THBS4: variants seen among roughly 807,000 people sequenced by gnomAD.
THBS4 encodes thrombospondin-4.
Under a neutral mutation model 115.7 loss-of-function variants are expected in THBS4, and 90 were observed. The observed-to-expected ratio is 0.78, with a 90% confidence interval of 0.66 to 0.93. The LOEUF is 0.93. Ranked by LOEUF, THBS4 falls within the 40% of genes least tolerant of loss-of-function variation. The probability of loss-of-function intolerance (pLI) is 0.00; values close to 1 mark genes in which losing one functional copy is unlikely to be tolerated. For synonymous variants in THBS4, 460 were observed against 479.3 expected, an observed-to-expected ratio of 0.96 and a Z score of 0.53; for missense variants, 1,087 against 1,232.7, an observed-to-expected ratio of 0.88 and a Z score of 1.77.
intron 2 of THBS4, among the ~76,000 whole-genome samples, chr5:80,013,835 G>A (rs1337033538): frequency 6.6e-6 from 1 of 152,148 alleles, no homozygotes; most frequent in Admixed American, 6.5e-5. Flanking sequence ...TTCGTTCTTG[G>A]CATAGGGCCT....
At chr5:80,054,318 CTTTTTT>C (rs56296474) in intron 2 of THBS4, among the ~76,000 whole-genome samples, 78 of 123,936 alleles carry the variant, frequency 6.3e-4, no homozygotes, top group Middle Eastern at 4.4e-3. Flanking sequence ...CACACCTGGC[CTTTTTT>C]TTTTTTTTTT....
intron 2 of THBS4, among the ~76,000 whole-genome samples, chr5:80,010,535 A>G (rs1425349950): frequency 6.6e-6 from 1 of 152,148 alleles, no homozygotes; most frequent in African/African-American, 2.4e-5. Context: ...CTCTGTCCCA[A>G]TCTGTAGAAA....
rs1031398526 is a variant in THBS4 at position 80,035,783 on chromosome 5, T to C, written c.88+158T>C. ...CAAAGCATATTGTGATTGGAGGTAGTGATTAGTCTAGAATTTTCCGAAATT... is the reference window on the plus strand; with the variant it reads ...CAAAGCATATTGTGATTGGAGGTAGCGATTAGTCTAGAATTTTCCGAAATT... On this transcript the variant is annotated intron_variant, in intron 1 of 21. Coordinates refer to ENST00000350881, the MANE Select transcript of THBS4 (RefSeq NM_003248.6). This position sits in a 1 kb window ranked among gnomAD's most constrained non-coding sequence, Gnocchi z 4.6. Among the ~76,000 whole-genome samples the C allele has an allele frequency of 2.0e-5, 3 of 152,198 alleles. No homozygotes were observed. The highest frequency in any genetic ancestry group is 7.2e-5 in the African/African-American group (3 of 41,452).
intron 2 of THBS4, among the ~76,000 whole-genome samples, chr5:80,018,354 A>G (rs555876438): frequency 2.8e-5 from 4 of 141,602 alleles, no homozygotes; most frequent in African/African-American, 8.0e-5. Flanking sequence ...AATTTAAATT[A>G]TATTTCCATT....
chr5:80,000,541 C>T (rs1330670632), intron 2 of THBS4, among the ~76,000 whole-genome samples: 1 of 152,198 alleles, frequency 6.6e-6, no homozygotes, highest in Non-Finnish European at 1.5e-5. Context: ...TTATTGCCAC[C>T]ACAGCCTTCC....
chr5:80,050,452 T>C (rs531139317), intron 2 of THBS4, among the ~76,000 whole-genome samples: 3 of 152,036 alleles, frequency 2.0e-5, no homozygotes, highest in Non-Finnish European at 4.4e-5. Context: ...GCAGAAATGA[T>C]TGGGCCACAT....
intron 10 of THBS4, among the ~76,000 whole-genome samples, chr5:80,069,517 G>A (rs1349115074): frequency 6.6e-6 from 1 of 152,214 alleles, no homozygotes; most frequent in South Asian, 2.1e-4. Flanking sequence ...GGGATGATGG[G>A]TGATGGGGCT....
intron 2 of THBS4, among the ~76,000 whole-genome samples, chr5:80,026,531 C>T (rs775472804): frequency 2.3e-4 from 35 of 152,212 alleles, no homozygotes; most frequent in Non-Finnish European, 4.4e-4. Flanking sequence ...CTGAGCCCTT[C>T]GCAGGCCACA....
rs145808588 is a variant in THBS4, at chr5:80,041,414, C to T, written c.292+1134C>T. On this transcript the variant is annotated intron_variant, in intron 2 of 21. Transcript: ENST00000350881. Reference sequence around the variant, plus strand: ...TGGGGCGGGAGGAAGGGGACAGATACAAACATTCAGCCCATGACAGCCACC... The same window carrying T: ...TGGGGCGGGAGGAAGGGGACAGATATAAACATTCAGCCCATGACAGCCACC... Among the ~76,000 whole-genome samples, 23 of 152,246 alleles carry T rather than the reference C, an allele frequency of 1.5e-4. No homozygotes were observed. In the East Asian group the frequency reaches 4.2e-3, roughly 28 times the overall value.
chr5:80,030,641 A>T (rs1191152453), upstream of THBS4, among the ~76,000 whole-genome samples: 2 of 152,116 alleles, frequency 1.3e-5, no homozygotes, highest in Admixed American at 1.3e-4. Flanking sequence ...TGCTGAGATT[A>T]TAGGTGTGAG....
At chr5:80,065,524 A>G (rs1446896022) in intron 9 of THBS4, 47 bp downstream of exon 9, 1 of 1,553,156 alleles carries the variant, frequency 6.4e-7, no homozygotes, top group South Asian at 1.1e-5. Flanking sequence ...ACCGGTTATT[A>G]AAACAAGTGT....
intron 12 of THBS4, 49 bp downstream of exon 12, chr5:80,070,799 A>T: frequency 6.3e-7 from 1 of 1,598,324 alleles, no homozygotes; most frequent in East Asian, 2.2e-5. Flanking sequence ...ACCAGGGATG[A>T]TGGGAGAAAG....
chr5:80,055,322 T>TA (rs56014842), intron 2 of THBS4, among the ~76,000 whole-genome samples: 3,537 of 139,906 alleles, frequency 0.025, 50 homozygotes, highest in Middle Eastern at 0.041. Context: ...ATCCTGTCTT[T>TA]AAAAAAAAAA....
At chr5:79,994,673 G>T (rs1831754234) in intron 1 of THBS4, among the ~76,000 whole-genome samples, 1 of 152,194 alleles carries the variant, frequency 6.6e-6, no homozygotes, top group South Asian at 2.1e-4. Flanking sequence ...GGGCATGATG[G>T]TGTGTGCCTA....
At chr5:80,045,103 T>C (rs980624524) in intron 2 of THBS4, among the ~76,000 whole-genome samples, 4 of 152,206 alleles carry the variant, frequency 2.6e-5, no homozygotes, top group African/African-American at 9.7e-5. Flanking sequence ...TTCTTCAGAC[T>C]ATGAGGCTTA....
chr5:80,044,699 A>G (rs574935371), intron 2 of THBS4, among the ~76,000 whole-genome samples: 1 of 152,146 alleles, frequency 6.6e-6, no homozygotes, highest in African/African-American at 2.4e-5. Flanking sequence ...TGCTGGGCTT[A>G]CAGGTCTGAG....
At chr5:80,055,114 G>A (rs2112082349) in intron 2 of THBS4, among the ~76,000 whole-genome samples, 1 of 152,156 alleles carries the variant, frequency 6.6e-6, no homozygotes, top group South Asian at 2.1e-4. Context: ...TTGAGCTCGG[G>A]ATTTCGAGAC....
At chr5:80,006,333 G>A (rs1481934928) in intron 2 of THBS4, among the ~76,000 whole-genome samples, 2 of 152,158 alleles carry the variant, frequency 1.3e-5, no homozygotes, top group East Asian at 3.9e-4. Flanking sequence ...CTGTTCTCAT[G>A]GTAGTGAATA....
intron 20 of THBS4, chr5:80,082,131 A>ATGTT (rs1743537151): frequency 5.2e-6 from 2 of 382,468 alleles, no homozygotes; most frequent in Non-Finnish European, 9.3e-6. Context: ...GACCAACATC[A>ATGTT]TGTTAGGCCT....
Sources: allele counts gnomAD v4.1 joint callset (sites outside exome capture counted in the v4.1 genomes callset), GRCh38; gene constraint gnomAD v4.1.1; non-coding constraint Gnocchi (gnomAD v3.1); transcripts MANE v1.5; gene names NCBI Gene and HGNC (gene_info 2026-07-23, HGNC 2026-07-21).